Variants in CFAP77 observed in about 807,000 individuals in gnomAD.
CFAP77 encodes cilia and flagella associated protein 77, also known as cilia- and flagella-associated protein 77.
CFAP77 carries 25 observed loss-of-function variants against 31.1 expected under a neutral mutation model. That is an observed-to-expected ratio of 0.80 (90% CI 0.59 to 1.12). The LOEUF (loss-of-function observed/expected upper bound fraction) is 1.12. Ranked by LOEUF, CFAP77 falls within the 50% of genes most tolerant of loss-of-function variation. The pLI is 0.00. For missense variants in CFAP77, 377 were observed against 397.3 expected (o/e 0.95, Z 0.44); for synonymous variants, 151 against 159.9 (o/e 0.94, Z 0.42).
chr9:132,447,836 T>G (rs1279032351), intron 1 of CFAP77, among the ~76,000 whole-genome samples: 1 of 152,190 alleles, frequency 6.6e-6, no homozygotes, highest in Non-Finnish European at 1.5e-5. Flanking sequence ...CCTAGAATAT[T>G]TCTTAATAAA....
intron 1 of CFAP77, among the ~76,000 whole-genome samples, chr9:132,426,138 C>T (rs556905077): frequency 1.2e-4 from 19 of 152,156 alleles, no homozygotes; most frequent in Admixed American, 4.6e-4. Context: ...GCTATCTTGT[C>T]AGAGCTGTTT....
At position 132,498,859 on chromosome 9, in the gene CFAP77, A is replaced by G. The variant is rs562080929; in HGVS notation, c.295+65A>G. The stretch of plus-strand genomic sequence containing the variant: ...GAGGGAGGCTCACCCCTCTTCACAG[A>G]CCCCTTGACCTAGCTCGCTGCTTGG... On this transcript the variant is annotated intron_variant, in intron 2 of 5. Coordinates refer to ENST00000393216, the MANE Select transcript of CFAP77 (RefSeq NM_001282957.2). This position sits in a 1 kb window ranked among gnomAD's most constrained non-coding sequence, Gnocchi z 4.2. 1.8e-5 allele frequency: 21 copies of G among 1,165,500 alleles called. No homozygotes were observed. The African/African-American group carries it at 2.9e-4, about 16-fold the overall frequency. The allele number at this position is 1,165,500 out of a possible 1,614,324, so 72.2% of individuals were successfully genotyped here.
At chr9:132,516,328 C>T (rs1852145886) in intron 3 of CFAP77, among the ~76,000 whole-genome samples, 2 of 152,178 alleles carry the variant, frequency 1.3e-5, no homozygotes, top group Non-Finnish European at 2.9e-5. Flanking sequence ...AGTCACCCAA[C>T]GCTGATCCTG....
intron 1 of CFAP77, among the ~76,000 whole-genome samples, chr9:132,484,084 C>T (rs1009179409): frequency 2.6e-5 from 4 of 151,800 alleles, no homozygotes; most frequent in African/African-American, 9.7e-5. Context: ...TTACAAGTTT[C>T]CACCACCACA....
chr9:132,469,969 A>T (rs1851224303), intron 1 of CFAP77, among the ~76,000 whole-genome samples: 1 of 151,710 alleles, frequency 6.6e-6, no homozygotes, highest in African/African-American at 2.4e-5. Flanking sequence ...CCTCCCAAGT[A>T]GCTGGGATAA....
intron 1 of CFAP77, among the ~76,000 whole-genome samples, chr9:132,477,451 A>C (rs1851368306): frequency 6.6e-6 from 1 of 152,174 alleles, no homozygotes; most frequent in Admixed American, 6.5e-5. Flanking sequence ...CATCAGTAGA[A>C]TACATAGCGA....
chr9:132,551,341 C>T (rs1034672599), intron 5 of CFAP77, among the ~76,000 whole-genome samples: 3 of 151,670 alleles, frequency 2.0e-5, no homozygotes, highest in African/African-American at 7.3e-5. Context: ...CTCTGTTGCC[C>T]AGGCTGGAGT....
At chr9:132,570,717 T>G (rs903914717) in intron 5 of CFAP77, among the ~76,000 whole-genome samples, 1 of 152,196 alleles carries the variant, frequency 6.6e-6, no homozygotes, top group Admixed American at 6.5e-5. Flanking sequence ...GGTCACCATT[T>G]GATTTTTATG....
chr9:132,420,419 G>A (rs1019894191), intron 1 of CFAP77, among the ~76,000 whole-genome samples: 1 of 151,636 alleles, frequency 6.6e-6, no homozygotes, highest in African/African-American at 2.4e-5. Flanking sequence ...TTGAGAGGCC[G>A]AGGTGGGCGG....
chr9:132,556,582 C>T (rs868147508), intron 5 of CFAP77, among the ~76,000 whole-genome samples: 33 of 152,320 alleles, frequency 2.2e-4, no homozygotes, highest in Admixed American at 1.7e-3. Flanking sequence ...TCCCACCCCA[C>T]CCCCCGAGCC....
At chr9:132,524,792 GCGCCCGCCACCA>G (rs1852328031) in intron 3 of CFAP77, among the ~76,000 whole-genome samples, 1 of 150,486 alleles carries the variant, frequency 6.6e-6, no homozygotes, top group South Asian at 2.1e-4. Context: ...GGGACTACAG[GCGCCCGCCACCA>G]CGCCCAGCTA....
intron 1 of CFAP77, among the ~76,000 whole-genome samples, chr9:132,415,456 G>A (rs1049832458): frequency 6.6e-6 from 1 of 152,044 alleles, no homozygotes; most frequent in Non-Finnish European, 1.5e-5. Flanking sequence ...TGCCCTGCCG[G>A]AGGAGCCTGC....
At chr9:132,570,649 G>A (rs920309991) in intron 5 of CFAP77, among the ~76,000 whole-genome samples, 3 of 152,178 alleles carry the variant, frequency 2.0e-5, no homozygotes, top group African/African-American at 7.2e-5. Flanking sequence ...CATCCCCAAG[G>A]GGTCCACATC....
rs911030989 is a variant in CFAP77 at position 132,480,006 on chromosome 9, G to A, written c.196-18689G>A. Among the ~76,000 whole-genome samples the A allele has an allele frequency of 2.6e-5, 4 of 152,172 alleles. No homozygotes were observed. The highest frequency in any genetic ancestry group is 1.9e-4 in the East Asian group (1 of 5,192). On this transcript the variant is annotated intron_variant, in intron 1 of 5. Transcript: ENST00000393216. The surrounding 1 kb of genome is among the most constrained non-coding windows in gnomAD (Gnocchi z 5.8). ...CCTGAGCAGGAGAAGCAGATGATGC[G>A]GCTCTGGATGACACGGATGGAGACG...
chr9:132,485,982 C>T (rs1321929311), intron 1 of CFAP77, among the ~76,000 whole-genome samples: 1 of 89,388 alleles, frequency 1.1e-5, no homozygotes, highest in Non-Finnish European at 2.2e-5. Flanking sequence ...AGAACACACA[C>T]CTCATATATA....
chr9:132,417,570 C>T (rs1411465979), intron 1 of CFAP77, among the ~76,000 whole-genome samples: 2 of 152,200 alleles, frequency 1.3e-5, no homozygotes, highest in South Asian at 2.1e-4. Context: ...CTGTCTCAGC[C>T]ACTTACTGGC....
chr9:132,566,402 C>T (rs908819480), intron 5 of CFAP77, among the ~76,000 whole-genome samples: 8 of 152,206 alleles, frequency 5.3e-5, no homozygotes, highest in Non-Finnish European at 1.0e-4. Context: ...CGGCCTCCTC[C>T]GGGCGTTCCA....
rs1851431213 is a variant in CFAP77, at chr9:132,480,815, T to A, written c.196-17880T>A. 6.6e-6 allele frequency among the ~76,000 whole-genome samples: 1 copy of A among 151,994 alleles called. No homozygotes were observed. The highest frequency in any genetic ancestry group is 6.6e-5 in the Admixed American group (1 of 15,256). ...CTTCATGCAGGAAGGGGCCTGAAAGTTCCAGGAGCCGAAAGAAGGCCCAGG... is the reference window on the plus strand; with the variant it reads ...CTTCATGCAGGAAGGGGCCTGAAAGATCCAGGAGCCGAAAGAAGGCCCAGG... On this transcript the variant is annotated intron_variant, in intron 1 of 5. Transcript: ENST00000393216. This position sits in a 1 kb window ranked among gnomAD's most constrained non-coding sequence, Gnocchi z 5.8.
chr9:132,513,790 G>T (rs566372126), intron 3 of CFAP77, among the ~76,000 whole-genome samples: 1 of 152,326 alleles, frequency 6.6e-6, no homozygotes, highest in African/African-American at 2.4e-5. Context: ...GCTGCTGGTT[G>T]GAATGAGACC....
Sources: allele counts gnomAD v4.1 joint callset (sites outside exome capture counted in the v4.1 genomes callset), GRCh38; gene constraint gnomAD v4.1.1; non-coding constraint Gnocchi (gnomAD v3.1); transcripts MANE v1.5; gene names NCBI Gene and HGNC (gene_info 2026-07-23, HGNC 2026-07-21).